LOC400499: variants seen among roughly 807,000 people sequenced by gnomAD.
the LOC400499 span, among the ~76,000 whole-genome samples, chr16:11,482,894 A>T: frequency 2.0e-5 from 3 of 150,708 alleles, no homozygotes; most frequent in African/African-American, 7.3e-5. Context: ...CTCAACTCAA[A>T]AAAAAAAAAA....
chr16:11,446,733 C>G, the LOC400499 span: 1 of 1,535,216 alleles, frequency 6.5e-7, no homozygotes, highest in Non-Finnish European at 8.7e-7. Flanking sequence ...CGGGCTATGC[C>G]CCAGACACAC....
At chr16:11,406,144 T>G in the LOC400499 span, among the ~76,000 whole-genome samples, 6 of 152,310 alleles carry the variant, frequency 3.9e-5, no homozygotes, top group East Asian at 1.2e-3. Flanking sequence ...ACCAGGCAGG[T>G]AATTTTCCAA....
chr16:11,515,689 G>C, the LOC400499 span, among the ~76,000 whole-genome samples: 2 of 149,340 alleles, frequency 1.3e-5, no homozygotes, highest in African/African-American at 4.9e-5. Context: ...TGGAGGAGAG[G>C]AAATGAAGAG....
the LOC400499 span, among the ~76,000 whole-genome samples, chr16:11,384,730 T>C: frequency 2.0e-5 from 3 of 152,094 alleles, no homozygotes; most frequent in East Asian, 1.9e-4. Flanking sequence ...GGCATGAGGC[T>C]AGATGAGGAG....
the LOC400499 span, chr16:11,440,892 T>C: frequency 7.5e-6 from 3 of 398,958 alleles, no homozygotes; most frequent in African/African-American, 2.1e-5. Context: ...AGCCAAGCTC[T>C]GGGTGGAGGG....
At chr16:11,391,686 T>C in the LOC400499 span, 2 of 1,232,082 alleles carry the variant, frequency 1.6e-6, no homozygotes, top group African/African-American at 3.1e-5. Flanking sequence ...CTCCCGCAGC[T>C]GCTCCAGCCC....
the LOC400499 span, chr16:11,385,311 T>G: frequency 8.1e-7 from 1 of 1,232,270 alleles, no homozygotes; most frequent in Non-Finnish European, 1.0e-6. Flanking sequence ...GAATGTGTTG[T>G]GAGCAAAGTC....
the LOC400499 span, chr16:11,461,040 C>A: frequency 1.3e-6 from 2 of 1,535,938 alleles, no homozygotes; most frequent in Non-Finnish European, 8.7e-7. Context: ...GGGCACGAAG[C>A]CCCACCAGCC....
chr16:11,413,142 C>T, the LOC400499 span, among the ~76,000 whole-genome samples: 1 of 152,100 alleles, frequency 6.6e-6, no homozygotes, highest in African/African-American at 2.4e-5. Context: ...TATTGCAGCT[C>T]AGGTTGGCAG....
At chr16:11,391,497 A>G in the LOC400499 span, among the ~76,000 whole-genome samples, 1 of 152,196 alleles carries the variant, frequency 6.6e-6, no homozygotes, top group South Asian at 2.1e-4. Flanking sequence ...GTAGATCTAT[A>G]ACAAATAAGG....
chr16:11,519,664 T>C, the LOC400499 span, among the ~76,000 whole-genome samples: 1 of 151,018 alleles, frequency 6.6e-6, no homozygotes, highest in Non-Finnish European at 1.5e-5. Context: ...TTATGTTAAA[T>C]GAAAGAAGCC....
the LOC400499 span, chr16:11,389,989 A>C: frequency 5.3e-6 from 3 of 570,860 alleles, no homozygotes; most frequent in Non-Finnish European, 7.8e-6. Context: ...GGAGAGAAGA[A>C]GCCCCTGGGC....
chr16:11,450,738 A>G, the LOC400499 span: 1 of 1,536,054 alleles, frequency 6.5e-7, no homozygotes, highest in Non-Finnish European at 8.7e-7. Context: ...GCTCCAGGAC[A>G]GCCTGGAACA....
At chr16:11,381,429 TTCTAGAGATGAGTC>T in the LOC400499 span, among the ~76,000 whole-genome samples, 9 of 152,246 alleles carry the variant, frequency 5.9e-5, no homozygotes, top group East Asian at 1.9e-4. Context: ...TCTTTATATA[TTCTAGAGATGAGTC>T]TCTAGAGATG....
chr16:11,463,326 C>G, the LOC400499 span, among the ~76,000 whole-genome samples: 3 of 151,234 alleles, frequency 2.0e-5, no homozygotes, highest in Non-Finnish European at 4.4e-5. Context: ...CTCACTATTA[C>G]CACACTGCCA....
chr16:11,455,033 A>C, the LOC400499 span, among the ~76,000 whole-genome samples: 1 of 152,226 alleles, frequency 6.6e-6, no homozygotes, highest in Non-Finnish European at 1.5e-5. Flanking sequence ...GACCACCTGG[A>C]AAAAAGTTTT....
chr16:11,392,604 A>T, the LOC400499 span: 1 of 426,890 alleles, frequency 2.3e-6, no homozygotes, highest in Non-Finnish European at 3.9e-6. Flanking sequence ...GCCAAGCCTC[A>T]AGGCCCTAGG....
At chr16:11,381,739 C>T in the LOC400499 span, among the ~76,000 whole-genome samples, 10 of 152,298 alleles carry the variant, frequency 6.6e-5, no homozygotes, top group Admixed American at 5.9e-4. Context: ...TGCTTATTTT[C>T]TCTTACTCCA....
At chr16:11,406,400 T>C in the LOC400499 span, among the ~76,000 whole-genome samples, 1 of 152,222 alleles carries the variant, frequency 6.6e-6, no homozygotes, top group Non-Finnish European at 1.5e-5. Flanking sequence ...TCTCTTTACC[T>C]GCCTCGAATG....
Sources: gnomAD v4.1 joint callset for allele counts (sites outside exome capture counted in the v4.1 genomes callset) on GRCh38, gnomAD v4.1.1 for gene constraint, MANE v1.5 for transcripts.